The following ROBO2 variants were observed in gnomAD, a reference collection of about 807,000 sequenced individuals.
The protein encoded by ROBO2 is roundabout guidance receptor 2.
ROBO2 carries 53 observed loss-of-function variants against 160.8 expected under a neutral mutation model. The ratio of observed to expected loss-of-function variants is 0.33; its 90% CI spans 0.26 to 0.41. The LOEUF is 0.41. ROBO2 is among the 10% of genes least tolerant of loss of function. The pLI is 1.00. For missense variants in ROBO2, 1,577 were observed against 1,722.4 expected, an observed-to-expected ratio of 0.92 and a Z score of 1.49; for synonymous variants, 664 against 611.7, an observed-to-expected ratio of 1.09 and a Z score of -1.26.
chr3:76,601,440 T>C (rs961613326), intron 2 of ROBO2, among the ~76,000 whole-genome samples: 2 of 152,172 alleles, frequency 1.3e-5, no homozygotes, highest in Non-Finnish European at 2.9e-5. Context: ...GGCATTTCCA[T>C]ACAATTTTTG....
At chr3:76,654,939 A>ATATATATG in intron 2 of ROBO2, among the ~76,000 whole-genome samples, 1 of 148,234 alleles carries the variant, frequency 6.7e-6, no homozygotes, top group Non-Finnish European at 1.5e-5. Context: ...TTATATATAT[A>ATATATATG]AATTTAAAGT....
At chr3:77,355,615 T>A (rs2068998630) in intron 2 of ROBO2, among the ~76,000 whole-genome samples, 1 of 152,138 alleles carries the variant, frequency 6.6e-6, no homozygotes, top group South Asian at 2.1e-4. Context: ...GTAGGACAGA[T>A]AATTTTCTAC....
chr3:76,360,191 A>G (rs1038145809), intron 2 of ROBO2, among the ~76,000 whole-genome samples: 1 of 152,036 alleles, frequency 6.6e-6, no homozygotes. Context: ...CTGTGTGACT[A>G]TCTAAATCCA....
intron 2 of ROBO2, among the ~76,000 whole-genome samples, chr3:76,114,844 T>C (rs1472348594): frequency 1.3e-5 from 2 of 152,158 alleles, no homozygotes; most frequent in Non-Finnish European, 2.9e-5. Context: ...TACTGAAGTA[T>C]CACTTTTAAT....
At chr3:76,734,052 A>G (rs1013913098) in intron 2 of ROBO2, among the ~76,000 whole-genome samples, 17 of 152,158 alleles carry the variant, frequency 1.1e-4, no homozygotes, top group African/African-American at 4.1e-4. Context: ...AATCCCATTC[A>G]TGAGGGCCTC....
chr3:76,192,168 G>T (rs1190590115), intron 2 of ROBO2, among the ~76,000 whole-genome samples: 8 of 148,168 alleles, frequency 5.4e-5, no homozygotes, highest in African/African-American at 1.5e-4. Flanking sequence ...CCTGACCTTC[G>T]ATTGGCTTAC....
At chr3:76,544,221 T>C (rs2082969175) in intron 2 of ROBO2, among the ~76,000 whole-genome samples, 2 of 152,002 alleles carry the variant, frequency 1.3e-5, no homozygotes, top group African/African-American at 4.8e-5. Context: ...ACCTGGAAAA[T>C]TATAATTCAT....
chr3:76,785,397 G>T (rs549693579), intron 2 of ROBO2, among the ~76,000 whole-genome samples: 1 of 151,200 alleles, frequency 6.6e-6, no homozygotes, highest in South Asian at 2.1e-4. Context: ...AGGAAAGCTT[G>T]GTCCAAGTTC....
intron 1 of ROBO2, among the ~76,000 whole-genome samples, chr3:77,070,234 A>C (rs1480078958): frequency 6.6e-6 from 1 of 152,156 alleles, no homozygotes; most frequent in African/African-American, 2.4e-5. Flanking sequence ...CAGAAGTGTG[A>C]AACAATAAAT....
At chr3:76,088,819 C>T (rs2069117303) in intron 2 of ROBO2, among the ~76,000 whole-genome samples, 1 of 151,642 alleles carries the variant, frequency 6.6e-6, no homozygotes, top group African/African-American at 2.4e-5. Flanking sequence ...AAAAATAGAA[C>T]AAATTAAATC....
intron 2 of ROBO2, among the ~76,000 whole-genome samples, chr3:76,442,491 C>T (rs2076971522): frequency 6.6e-6 from 1 of 152,088 alleles, no homozygotes; most frequent in Non-Finnish European, 1.5e-5. Context: ...CAGGGCAGTA[C>T]CTTTCCCAGA....
At chr3:76,063,723 G>A (rs1021648131) in intron 2 of ROBO2, among the ~76,000 whole-genome samples, 21 of 152,072 alleles carry the variant, frequency 1.4e-4, no homozygotes, top group Admixed American at 9.8e-4. Flanking sequence ...ACTTGACAAA[G>A]GTCACTCAGC....
At chr3:76,976,178 A>G (rs1237996475) in intron 2 of ROBO2, among the ~76,000 whole-genome samples, 5 of 152,234 alleles carry the variant, frequency 3.3e-5, no homozygotes, top group African/African-American at 1.2e-4. Flanking sequence ...TAAAAAATGG[A>G]ACTAGGCAAT....
chr3:77,423,049 C>T (rs554706788), intron 2 of ROBO2, among the ~76,000 whole-genome samples: 2 of 152,080 alleles, frequency 1.3e-5, no homozygotes, highest in African/African-American at 4.8e-5. Context: ...AAGCAGATTT[C>T]CTGGGATCAG....
chr3:76,609,360 ATAAAT>A (rs1021909525), intron 2 of ROBO2, among the ~76,000 whole-genome samples: 2 of 152,144 alleles, frequency 1.3e-5, no homozygotes, highest in African/African-American at 4.8e-5. Context: ...GTGGTTTCAT[ATAAAT>A]TAAAGGATTG....
chr3:76,944,896 T>C (rs888343520), intron 2 of ROBO2, among the ~76,000 whole-genome samples: 7 of 143,252 alleles, frequency 4.9e-5, no homozygotes, highest in African/African-American at 1.8e-4. Flanking sequence ...CTGTGATGGC[T>C]TTTTTTTTTT....
Position 76,074,457 on chromosome 3 carries a change from T to A in ROBO2, c.109+136855T>A, listed in dbSNP as rs534504990. Among the ~76,000 whole-genome samples, 30 of 152,324 alleles carry A rather than the reference T, an allele frequency of 2.0e-4. No individual in the cohort carries two copies. In the South Asian group the frequency reaches 6.2e-3, roughly 32 times the overall value. ...CGACCAACAAGTGAATGTGGCCCGA[T>A]TAATTGGTAATGTGTAATCAGATTA... On this transcript the variant is annotated intron_variant, in intron 2 of 26. Coordinates refer to the ROBO2 transcript ENST00000487694.
chr3:76,061,780 A>G (rs1194544935), intron 2 of ROBO2, among the ~76,000 whole-genome samples: 2 of 152,244 alleles, frequency 1.3e-5, no homozygotes, highest in East Asian at 3.9e-4. Flanking sequence ...AAATTCAACA[A>G]GGGTCTCAGT....
At chr3:76,619,275 G>A (rs2088862886) in intron 2 of ROBO2, among the ~76,000 whole-genome samples, 1 of 150,632 alleles carries the variant, frequency 6.6e-6, no homozygotes, top group South Asian at 2.1e-4. Context: ...GGGAGGCGGA[G>A]CTTGCAGTGA....
Sources: gnomAD v4.1 joint callset for allele counts (sites outside exome capture counted in the v4.1 genomes callset) on GRCh38, gnomAD v4.1.1 for gene constraint, MANE v1.5 for transcripts, NCBI Gene and HGNC (gene_info 2026-07-23, HGNC 2026-07-21) for gene names.